The following GET3 variants were observed in gnomAD, a reference collection of about 807,000 sequenced individuals.
GET3 encodes the protein ATPase GET3.
A neutral mutation model predicts 32.4 loss-of-function variants in GET3; 15 were observed. That is an observed-to-expected ratio of 0.46 (90% CI 0.31 to 0.71). GET3 has a LOEUF of 0.71. Ranked by LOEUF, GET3 falls within the 30% of genes least tolerant of loss-of-function variation. The probability of loss-of-function intolerance (pLI) is 0.05; values close to 1 mark genes in which losing one functional copy is unlikely to be tolerated. For synonymous variants in GET3, 198 were observed against 185.6 expected (o/e 1.07, Z -0.54); for missense variants, 333 against 459.0 (o/e 0.73, Z 2.51).
At chr19:12,737,406 T>C, upstream of GET3, 1 of 1,347,942 alleles carries the variant, frequency 7.4e-7, no homozygotes, top group South Asian at 1.8e-5. Flanking sequence ...AATGAGGAAA[T>C]TAACTCATGC....
chr19:12,737,799 A>T, intron 1 of GET3, 133 bp downstream of exon 1: 1 of 1,202,718 alleles, frequency 8.3e-7, no homozygotes, highest in Non-Finnish European at 1.1e-6. Flanking sequence ...ACTCTCTGGA[A>T]GTTACCTGGA....
At chr19:12,738,783 T>C in intron 2 of GET3, 125 bp downstream of exon 2, 1 of 1,250,308 alleles carries the variant, frequency 8.0e-7, no homozygotes, top group Admixed American at 2.3e-5. Flanking sequence ...GTTTCACTCC[T>C]TCCTCAACAT....
intron 2 of GET3, among the ~76,000 whole-genome samples, chr19:12,740,659 G>A (rs769055120): frequency 1.1e-4 from 17 of 152,162 alleles, no homozygotes; most frequent in East Asian, 3.9e-4. Flanking sequence ...CCTGAACAAC[G>A]GAGCGAGACT....
chr19:12,747,204 A>G lies in GET3; in HGVS notation c.617A>G (p.Asn206Ser), dbSNP rs1364793678. ...QISPFISQMC[N>S]MLGLGDMNAD... The stretch of plus-strand genomic sequence containing the variant: ...CCCACATCCCCCCTGCAGATGTGCA[A>G]CATGCTGGGCCTGGGGGACATGAAC... Residue 206 changes from asparagine (N) to serine (S), a missense_variant, in exon 5 of 7, where the codon AAC becomes AGC. Physicochemically the swap from Asn to Ser is conservative, Grantham distance 46. This residue lies in a region of GET3 where 230 missense variants were observed against 389.2 expected (regional missense o/e 0.59). Coordinates refer to ENST00000357332, the MANE Select transcript of GET3 (RefSeq NM_004317.4). This position sits in a 1 kb window ranked among gnomAD's most constrained non-coding sequence, Gnocchi z 4.0. 1.2e-6 allele frequency: 2 copies of G among 1,600,334 alleles called. No individual in the cohort carries two copies. The highest frequency in any genetic ancestry group is 2.7e-5 in the African/African-American group (2 of 74,398).
At chr19:12,737,194 G>A (rs939484497), upstream of GET3, 1 of 241,708 alleles carries the variant, frequency 4.1e-6, no homozygotes. Flanking sequence ...AGTGATTGGT[G>A]TAAGTAAGAA....
At chr19:12,737,240 A>C, upstream of GET3, 36 of 327,836 alleles carry the variant, frequency 1.1e-4, no homozygotes, top group East Asian at 2.2e-4. Flanking sequence ...TGCAAGACCT[A>C]GGGCCCAATC....
rs200638616 is a variant in GET3, at chr19:12,745,430, G to A, written c.363G>A (p.Glu121=). Residue 121 remains glutamate, a synonymous_variant, in exon 3 of 7, where the codon GAG becomes GAA. Coordinates refer to ENST00000357332, the MANE Select transcript of GET3 (RefSeq NM_004317.4). The surrounding 1 kb of genome is among the most constrained non-coding windows in gnomAD (Gnocchi z 5.0). ...AGCTGCCTGACGAGTTCTTCGAGGA[G>A]GACAACATGCTGAGCATGGGCAAGA... ...VAELPDEFFE[E]DNMLSMGKKM... 6.2e-7 allele frequency: 1 copy of A among 1,612,960 alleles called. No individual in the cohort carries two copies. Among genetic ancestry groups the A allele is most frequent in the East Asian group, 2.2e-5 (1 of 44,874 alleles).
chr19:12,741,312 C>T lies in GET3; in HGVS notation c.309+2654C>T, dbSNP rs150028136. Among the ~76,000 whole-genome samples the T allele has an allele frequency of 7.9e-3, 1,204 of 151,938 alleles. 10 individuals carry two copies. Among genetic ancestry groups the T allele is most frequent in the Middle Eastern group, 0.017 (5 of 292 alleles). On this transcript the variant is annotated intron_variant, in intron 2 of 6. Transcript: ENST00000357332. ...TCTACTAAAAATACAAAAAGTTAGC[C>T]GGGCGTGATGGCGGGTGCCTTTAAT...
chr19:12,737,278 C>T (rs1198464963), upstream of GET3: 4 of 541,978 alleles, frequency 7.4e-6, no homozygotes, highest in Admixed American at 8.0e-5. Flanking sequence ...TAGACCGTAC[C>T]GATGTGTTCA....
At chr19:12,738,711 T>A in intron 2 of GET3, 53 bp downstream of exon 2, 1 of 1,610,688 alleles carries the variant, frequency 6.2e-7, no homozygotes, top group Non-Finnish European at 8.5e-7. Context: ...CTTCCAGCCT[T>A]TCTTGTGCGC....
chr19:12,743,307 G>A lies in GET3; in HGVS notation c.310-2070G>A, dbSNP rs144996208. Reference sequence around the variant, plus strand: ...AGCCTGACCAACATAGAGAAGCCCCGTCTCTACTAAAAATACAAAATTAGC... The same window carrying A: ...AGCCTGACCAACATAGAGAAGCCCCATCTCTACTAAAAATACAAAATTAGC... On this transcript the variant is annotated intron_variant, in intron 2 of 6. Coordinates refer to ENST00000357332, the MANE Select transcript of GET3 (RefSeq NM_004317.4). Among the ~76,000 whole-genome samples, 6 of 151,914 alleles carry A rather than the reference G, an allele frequency of 3.9e-5. No individual in the cohort carries two copies. In the East Asian group the frequency reaches 7.8e-4, roughly 20 times the overall value.
intron 2 of GET3, among the ~76,000 whole-genome samples, chr19:12,743,691 C>A (rs986007340): frequency 2.7e-4 from 39 of 146,908 alleles, no homozygotes; most frequent in Admixed American, 5.4e-4. Context: ...TCACTGCACT[C>A]CAGCCTGGGT....
chr19:12,747,167 G>C lies in GET3; in HGVS notation c.610-30G>C. ...CAACCCAGGAGGTCGCCGCAGGTAAGCTATGAGCCCTCCCACATCCCCCCT... is the reference window on the plus strand; with the variant it reads ...CAACCCAGGAGGTCGCCGCAGGTAACCTATGAGCCCTCCCACATCCCCCCT... On this transcript the variant is annotated intron_variant, in intron 4 of 6. Coordinates refer to ENST00000357332, the MANE Select transcript of GET3 (RefSeq NM_004317.4). This position sits in a 1 kb window ranked among gnomAD's most constrained non-coding sequence, Gnocchi z 4.0. The C allele has an allele frequency of 1.3e-6, 2 of 1,555,714 alleles. No individual in the cohort carries two copies. Among genetic ancestry groups the C allele is most frequent in the South Asian group, 2.4e-5 (2 of 82,382 alleles).
intron 2 of GET3, among the ~76,000 whole-genome samples, chr19:12,740,456 C>T (rs1967647279): frequency 6.6e-6 from 1 of 151,902 alleles, no homozygotes; most frequent in Non-Finnish European, 1.5e-5. Flanking sequence ...GCGGGCAGAT[C>T]ACAAGGTCAA....
intron 2 of GET3, among the ~76,000 whole-genome samples, chr19:12,739,633 G>A (rs536520115): frequency 6.6e-6 from 1 of 152,226 alleles, no homozygotes; most frequent in Non-Finnish European, 1.5e-5. Flanking sequence ...CAGTGAATCT[G>A]AGTTGCCCAC....
At chr19:12,739,170 G>GT (rs778735265) in intron 2 of GET3, among the ~76,000 whole-genome samples, 4,590 of 142,726 alleles carry the variant, frequency 0.032, 189 homozygotes, top group African/African-American at 0.1. Context: ...CAGACTTGAG[G>GT]TTTTTTTTTT....
At chr19:12,744,108 C>T (rs1013664367) in intron 2 of GET3, among the ~76,000 whole-genome samples, 2 of 146,944 alleles carry the variant, frequency 1.4e-5, no homozygotes, top group Non-Finnish European at 3.0e-5. Context: ...CTCAGCTACT[C>T]GGGAGGCTGA....
At chr19:12,744,219 G>GAA (rs59206366) in intron 2 of GET3, among the ~76,000 whole-genome samples, 93 of 126,696 alleles carry the variant, frequency 7.3e-4, no homozygotes, top group Non-Finnish European at 1.2e-3. Flanking sequence ...TCCATCTCGG[G>GAA]AAAAAAAAAA....
At chr19:12,740,612 C>T (rs1275219445) in intron 2 of GET3, among the ~76,000 whole-genome samples, 5 of 146,652 alleles carry the variant, frequency 3.4e-5, no homozygotes, top group Non-Finnish European at 7.5e-5. Context: ...GGGAAGTGGA[C>T]CTTGCAGTGA....
Sources: allele counts gnomAD v4.1 joint callset (sites outside exome capture counted in the v4.1 genomes callset), GRCh38; gene constraint gnomAD v4.1.1; regional missense constraint gnomAD v4.1.1; non-coding constraint Gnocchi (gnomAD v3.1); transcripts MANE v1.5; gene names NCBI Gene and HGNC (gene_info 2026-07-23, HGNC 2026-07-21).